Variants in RBM20 observed in about 807,000 individuals in gnomAD.
RBM20 encodes RNA binding motif protein 20.
A neutral mutation model predicts 110.1 loss-of-function variants in RBM20; 51 were observed. That is an observed-to-expected ratio of 0.46 (90% confidence interval 0.37 to 0.59). The LOEUF is 0.59. RBM20 is among the 20% of genes least tolerant of loss of function. The pLI is 0.00. For synonymous variants in RBM20, 589 were observed against 618.2 expected (o/e 0.95, Z 0.70); for missense variants, 1,512 against 1,574.9 (o/e 0.96, Z 0.68).
intron 1 of RBM20, among the ~76,000 whole-genome samples, chr10:110,734,283 T>C (rs537602508): frequency 6.6e-6 from 1 of 152,278 alleles, no homozygotes; most frequent in South Asian, 2.1e-4. Flanking sequence ...GGTGAGATTG[T>C]AGGAGCAGAA....
chr10:110,710,156 C>T (rs1862903025), intron 1 of RBM20, among the ~76,000 whole-genome samples: 1 of 152,130 alleles, frequency 6.6e-6, no homozygotes, highest in Non-Finnish European at 1.5e-5. Flanking sequence ...TCCAAGGTCC[C>T]TTTAGTGCTG....
intron 1 of RBM20, among the ~76,000 whole-genome samples, chr10:110,767,062 C>T (rs1245496657): frequency 2.2e-4 from 29 of 129,572 alleles, no homozygotes; most frequent in African/African-American, 7.5e-4. Context: ...CCGGACGGGG[C>T]GGCTGGCCGG....
chr10:110,711,972 G>C (rs144831151), intron 1 of RBM20, among the ~76,000 whole-genome samples: 1 of 152,138 alleles, frequency 6.6e-6, no homozygotes, highest in South Asian at 2.1e-4. Context: ...GAAAGTGCTA[G>C]CATTGTTTCA....
In RBM20 at chr10:110,644,489, A is replaced by T. The variant is rs887276458; in HGVS notation, c.35A>T (p.Asp12Val). 15 of 1,522,324 alleles carry T rather than the reference A, an allele frequency of 9.9e-6. No individual in the cohort carries two copies. The highest frequency in any genetic ancestry group is 1.2e-5 in the Non-Finnish European group (14 of 1,139,030). 94.3% of individuals were successfully genotyped at this position (1,522,324 alleles called of 1,614,324 possible). The part of the protein sequence containing the change: ...VLAAAMSQDA[D>V]PSGPEQPDRV... Reference sequence around the variant, plus strand: ...GCAGCAGCCATGAGCCAGGACGCGGACCCCAGCGGTCCGGAGCAGCCGGAC... The same window carrying T: ...GCAGCAGCCATGAGCCAGGACGCGGTCCCCAGCGGTCCGGAGCAGCCGGAC... The change falls in exon 1 of 14, where the codon GAC (aspartate) becomes GTC (valine). Residue 12 changes from aspartate (D) to valine (V), a missense_variant. Transcript: ENST00000369519. This position sits in a 1 kb window ranked among gnomAD's most constrained non-coding sequence, Gnocchi z 4.3.
intron 1 of RBM20, among the ~76,000 whole-genome samples, chr10:110,763,998 G>T (rs1440779575): frequency 6.6e-6 from 1 of 152,156 alleles, no homozygotes; most frequent in African/African-American, 2.4e-5. Context: ...CATTACCCTG[G>T]GGGCCAAAAT....
chr10:110,733,459 G>A (rs539591820), intron 1 of RBM20, among the ~76,000 whole-genome samples: 21 of 152,376 alleles, frequency 1.4e-4, no homozygotes, highest in African/African-American at 4.8e-4. Context: ...TTTGGAGGAC[G>A]ACACTGCCTC....
At chr10:110,646,743 A>G (rs539079740) in intron 1 of RBM20, among the ~76,000 whole-genome samples, 3 of 152,360 alleles carry the variant, frequency 2.0e-5, no homozygotes, top group South Asian at 2.1e-4. Context: ...CTGCATTTGC[A>G]TAAGTCCATC....
At chr10:110,735,871 C>G (rs1843665420) in intron 1 of RBM20, among the ~76,000 whole-genome samples, 1 of 152,176 alleles carries the variant, frequency 6.6e-6, no homozygotes, top group Non-Finnish European at 1.5e-5. Flanking sequence ...TTCAGGATTG[C>G]TGATCTCATG....
At chr10:110,825,045 C>T (rs1564665939) in intron 12 of RBM20, among the ~76,000 whole-genome samples, 1 of 149,668 alleles carries the variant, frequency 6.7e-6, no homozygotes, top group Non-Finnish European at 1.5e-5. Flanking sequence ...AGCAAACTTC[C>T]TTTTTTTTTT....
intron 9 of RBM20, among the ~76,000 whole-genome samples, chr10:110,819,785 T>C (rs535584242): frequency 5.5e-4 from 84 of 152,320 alleles, no homozygotes; most frequent in African/African-American, 2.0e-3. Context: ...GTTTGCCAGG[T>C]ATTTCTGCCC....
At chr10:110,695,996 C>T (rs1360379229) in intron 1 of RBM20, among the ~76,000 whole-genome samples, 2 of 152,146 alleles carry the variant, frequency 1.3e-5, no homozygotes, top group Non-Finnish European at 2.9e-5. Context: ...AGTGGAGGTC[C>T]CTGGACCAGC....
chr10:110,762,717 G>T (rs1209050986), intron 1 of RBM20, among the ~76,000 whole-genome samples: 1 of 152,158 alleles, frequency 6.6e-6, no homozygotes, highest in South Asian at 2.1e-4. Flanking sequence ...CAGGTTTCAG[G>T]TGTTTGTTTT....
chr10:110,775,842 G>A (rs534679900), intron 1 of RBM20, among the ~76,000 whole-genome samples: 1 of 152,330 alleles, frequency 6.6e-6, no homozygotes, highest in South Asian at 2.1e-4. Flanking sequence ...ATTGCTTCAT[G>A]TCCAGCAAAG....
intron 1 of RBM20, among the ~76,000 whole-genome samples, chr10:110,768,285 C>G (rs1220492103): frequency 6.6e-6 from 1 of 151,160 alleles, no homozygotes; most frequent in Non-Finnish European, 1.5e-5. Flanking sequence ...TTTCTTATGG[C>G]CACAGCTTTG....
At position 110,781,180 on chromosome 10, in the gene RBM20, C is replaced by T. The variant is rs1290928009; in HGVS notation, c.571C>T (p.Pro191Ser). The T allele has an allele frequency of 4.5e-6, 7 of 1,551,688 alleles. No individual in the cohort carries two copies. The highest frequency in any genetic ancestry group is 6.1e-6 in the Non-Finnish European group (7 of 1,147,000). Residue 191 changes from proline to serine, a missense_variant, in exon 2 of 14, where the codon CCC (proline) becomes TCC (serine). Physicochemically the swap from Pro to Ser is moderately conservative, Grantham distance 74. Around this residue, in one of 3 missense-constraint regions of RBM20, gnomAD observed 1,149 missense variants for 1,169.4 expected, o/e 0.98. Transcript: ENST00000369519. ...GPSMNLPNQP[P>S]SAMVMHPFTG... ...CTCCATGAACCTTCCCAACCAGCCA[C>T]CCAGTGCCATGGTGATGCATCCTTT...
chr10:110,716,584 G>T (rs1211276194), intron 1 of RBM20, among the ~76,000 whole-genome samples: 2 of 152,122 alleles, frequency 1.3e-5, no homozygotes, highest in African/African-American at 4.8e-5. Flanking sequence ...ATTTCAGTAT[G>T]CATATTCATG....
At chr10:110,652,702 C>T (rs556794043) in intron 1 of RBM20, among the ~76,000 whole-genome samples, 4 of 152,222 alleles carry the variant, frequency 2.6e-5, no homozygotes, top group South Asian at 4.2e-4. Context: ...GGTCACACAG[C>T]GAGGGAGTCA....
chr10:110,736,518 T>C (rs1843672073), intron 1 of RBM20, among the ~76,000 whole-genome samples: 1 of 152,178 alleles, frequency 6.6e-6, no homozygotes, highest in Admixed American at 6.5e-5. Flanking sequence ...AATTTAAATA[T>C]TTACCTTCAT....
intron 5 of RBM20, among the ~76,000 whole-genome samples, chr10:110,789,739 T>C (rs1844461643): frequency 6.6e-6 from 1 of 152,178 alleles, no homozygotes; most frequent in African/African-American, 2.4e-5. Flanking sequence ...GGGTGATTTG[T>C]GTCTGTCCTC....
Sources: gnomAD v4.1 joint callset for allele counts (sites outside exome capture counted in the v4.1 genomes callset) on GRCh38, gnomAD v4.1.1 for gene constraint, gnomAD v4.1.1 regional missense constraint, Gnocchi (gnomAD v3.1) non-coding constraint, MANE v1.5 for transcripts, NCBI Gene and HGNC (gene_info 2026-07-23, HGNC 2026-07-21) for gene names.